The following ALK variants were observed in gnomAD, a reference collection of about 807,000 sequenced individuals.
ALK encodes the protein ALK receptor tyrosine kinase.
A neutral mutation model predicts 163.1 loss-of-function variants in ALK; 74 were observed. The ratio of observed to expected loss-of-function variants is 0.45; its 90% CI spans 0.38 to 0.55. The LOEUF (loss-of-function observed/expected upper bound fraction) is 0.55. Ranked by LOEUF, ALK falls within the 20% of genes least tolerant of loss-of-function variation. ALK has a pLI of 0.00. For missense variants in ALK, 2,063 were observed against 2,105.3 expected, an observed-to-expected ratio of 0.98 and a Z score of 0.39; for synonymous variants, 960 against 843.2, an observed-to-expected ratio of 1.14 and a Z score of -2.40.
At chr2:29,684,156 G>A (rs1160366331) in intron 3 of ALK, among the ~76,000 whole-genome samples, 1 of 152,118 alleles carries the variant, frequency 6.6e-6, no homozygotes, top group African/African-American at 2.4e-5. Flanking sequence ...CTTTTCTTAA[G>A]CAGAGCCCAT....
chr2:29,311,022 CT>C (rs2148242079), intron 8 of ALK, among the ~76,000 whole-genome samples: 1 of 152,350 alleles, frequency 6.6e-6, no homozygotes, highest in East Asian at 1.9e-4. Context: ...CAGCTTCCTC[CT>C]TTGTATTAGA....
chr2:29,356,741 A>T lies in ALK; in HGVS notation c.1282+26991T>A, dbSNP rs555223212. 2.1e-3 allele frequency among the ~76,000 whole-genome samples: 316 copies of T among 152,282 alleles called. 3 individuals are homozygous for T. Among genetic ancestry groups the T allele is most frequent in the African/African-American group, 7.2e-3 (301 of 41,556 alleles). ...TCACACTGAAAATGACATCCAAATA[A>T]ATAAAGAAAATCAAGCGTGCCATCT... On this transcript the variant is annotated intron_variant, in intron 5 of 28. Transcript: ENST00000389048.
chr2:29,609,379 C>T (rs772105186), intron 3 of ALK, among the ~76,000 whole-genome samples: 2 of 152,046 alleles, frequency 1.3e-5, no homozygotes, highest in Non-Finnish European at 1.5e-5. Flanking sequence ...GATAGCAAGT[C>T]GGGAGAGGCA....
chr2:29,757,610 T>TGC (rs1395152930), intron 1 of ALK, among the ~76,000 whole-genome samples: 1 of 151,960 alleles, frequency 6.6e-6, no homozygotes, highest in East Asian at 1.9e-4. Flanking sequence ...TGTGTGTGTG[T>TGC]GTGTGTGTGT....
intron 1 of ALK, among the ~76,000 whole-genome samples, chr2:29,850,976 C>G (rs1480532948): frequency 6.6e-6 from 1 of 152,194 alleles, no homozygotes; most frequent in Non-Finnish European, 1.5e-5. Context: ...TTGTCTTGTC[C>G]TCTCACCCAG....
chr2:29,532,231 ATCTCCT>A, intron 3 of ALK, 115 bp from the exon 4 acceptor site: 1 of 968,134 alleles, frequency 1.0e-6, no homozygotes, highest in Non-Finnish European at 1.6e-6. Context: ...GGAGGCCATT[ATCTCCT>A]TCTCTGCATG....
chr2:29,263,290 A>T (rs1665134611), intron 11 of ALK, among the ~76,000 whole-genome samples: 1 of 152,134 alleles, frequency 6.6e-6, no homozygotes, highest in Non-Finnish European at 1.5e-5. Flanking sequence ...CTAGCATCTA[A>T]GAGAGAGGCA....
intron 3 of ALK, among the ~76,000 whole-genome samples, chr2:29,607,196 T>C (rs1396136932): frequency 6.6e-6 from 1 of 152,184 alleles, no homozygotes; most frequent in Non-Finnish European, 1.5e-5. Context: ...AGGGCTGTGG[T>C]TTCCCCTTAA....
At position 29,686,475 on chromosome 2, in the gene ALK, T is replaced by TGGCCTTGCCATACAAA. The variant is rs1237520308; in HGVS notation, c.952+8374_952+8375insTTTGTATGGCAAGGCC. Among the ~76,000 whole-genome samples the TGGCCTTGCCATACAAA allele has an allele frequency of 1.7e-4, 26 of 152,320 alleles. No individual in the cohort carries two copies. In the East Asian group the frequency reaches 3.3e-3, roughly 19 times the overall value. ...GCCAGGTATTTGGCCATCATTTGTA[T>TGGCCTTGCCATACAAA]TGGATATGCCTAAGCCTTGCCTTAG... On this transcript the variant is annotated intron_variant, in intron 3 of 28. Coordinates refer to ENST00000389048, the MANE Select transcript of ALK (RefSeq NM_004304.5).
chr2:29,518,682 G>C (rs11689775), intron 4 of ALK, among the ~76,000 whole-genome samples: 28 of 152,258 alleles, frequency 1.8e-4, no homozygotes, highest in Non-Finnish European at 3.2e-4. Flanking sequence ...CAATATGGCT[G>C]TGGCAACTAT....
intron 26 of ALK, among the ~76,000 whole-genome samples, chr2:29,206,275 G>A (rs531422648): frequency 1.3e-4 from 16 of 124,832 alleles, no homozygotes; most frequent in South Asian, 5.0e-4. Context: ...TCTCTCTCTC[G>A]TTCCCTCCCT....
At chr2:29,326,907 C>T (rs1280419155) in intron 6 of ALK, among the ~76,000 whole-genome samples, 1 of 152,168 alleles carries the variant, frequency 6.6e-6, no homozygotes, top group Non-Finnish European at 1.5e-5. Flanking sequence ...GGCATTTGCT[C>T]CGGGTCTGGG....
chr2:29,544,786 G>A (rs1673509808), intron 3 of ALK, among the ~76,000 whole-genome samples: 2 of 151,988 alleles, frequency 1.3e-5, no homozygotes. Flanking sequence ...GCTACCTGAG[G>A]AGACTTAAAA....
At chr2:29,301,335 C>T (rs1666363396) in intron 8 of ALK, among the ~76,000 whole-genome samples, 1 of 152,212 alleles carries the variant, frequency 6.6e-6, no homozygotes, top group African/African-American at 2.4e-5. Context: ...TTGGGACCTG[C>T]TGCCTTGTCT....
intron 3 of ALK, among the ~76,000 whole-genome samples, chr2:29,692,016 C>G (rs974118241): frequency 1.2e-4 from 19 of 152,164 alleles, no homozygotes; most frequent in Non-Finnish European, 2.9e-5. Context: ...GTGTTGGAAT[C>G]TGGAGATAGT....
intron 1 of ALK, among the ~76,000 whole-genome samples, chr2:29,819,212 T>G (rs1246284530): frequency 6.6e-6 from 1 of 152,272 alleles, no homozygotes; most frequent in Non-Finnish European, 1.5e-5. Context: ...GAGATTCATG[T>G]TCACATTACA....
chr2:29,624,323 A>T (rs1203098172), intron 3 of ALK, among the ~76,000 whole-genome samples: 1 of 152,208 alleles, frequency 6.6e-6, no homozygotes, highest in Non-Finnish European at 1.5e-5. Flanking sequence ...TTATAAAAGC[A>T]AAACTGACCG....
At chr2:29,802,076 G>T (rs1159785930) in intron 1 of ALK, among the ~76,000 whole-genome samples, 1 of 151,850 alleles carries the variant, frequency 6.6e-6, no homozygotes, top group African/African-American at 2.4e-5. Flanking sequence ...ATGTTGACTT[G>T]GTTTAAATGT....
rs559215192 is a variant in ALK at position 29,702,143 on chromosome 2, A to C, written c.788-7129T>G. Among the ~76,000 whole-genome samples, 22 of 152,266 alleles carry C rather than the reference A, an allele frequency of 1.4e-4. No homozygotes were observed. The South Asian group carries it at 2.7e-3, about 19-fold the overall frequency. On this transcript the variant is annotated intron_variant, in intron 2 of 28. Coordinates refer to ENST00000389048, the MANE Select transcript of ALK (RefSeq NM_004304.5). ...GCAACAAAATACTAAAGAAATGGTC[A>C]TGGTCATGTGCCATCAACTCCTTCA...
Sources: allele counts gnomAD v4.1 joint callset (sites outside exome capture counted in the v4.1 genomes callset), GRCh38; gene constraint gnomAD v4.1.1; transcripts MANE v1.5; gene names NCBI Gene and HGNC (gene_info 2026-07-23, HGNC 2026-07-21).